Variants in COL4A2 observed in about 807,000 individuals in gnomAD.
COL4A2 encodes the protein collagen type IV alpha 2 chain.
In COL4A2, 99 loss-of-function variants were observed where a neutral mutation model predicts 200.2. That is an observed-to-expected ratio of 0.49 (90% CI 0.42 to 0.58). The LOEUF (loss-of-function observed/expected upper bound fraction) is 0.58. Ranked by LOEUF, COL4A2 falls within the 20% of genes least tolerant of loss-of-function variation. The pLI is 0.00. For missense variants in COL4A2, 1,950 were observed against 2,314.1 expected, an observed-to-expected ratio of 0.84 and a Z score of 3.23; for synonymous variants, 897 against 900.6, an observed-to-expected ratio of 1.00 and a Z score of 0.07.
chr13:110,331,321 A>G (rs1875902260), intron 3 of COL4A2, among the ~76,000 whole-genome samples: 1 of 152,230 alleles, frequency 6.6e-6, no homozygotes, highest in South Asian at 2.1e-4. Context: ...TCTCCATAAT[A>G]ATTTTTCTGC....
At chr13:110,357,229 G>A (rs1436381050) in intron 3 of COL4A2, among the ~76,000 whole-genome samples, 1 of 152,102 alleles carries the variant, frequency 6.6e-6, no homozygotes, top group East Asian at 1.9e-4. Flanking sequence ...GATGTCGATG[G>A]TGGGGGATTT....
intron 20 of COL4A2, among the ~76,000 whole-genome samples, chr13:110,453,356 C>T (rs891162480): frequency 1.3e-5 from 2 of 151,954 alleles, no homozygotes; most frequent in Non-Finnish European, 2.9e-5. Context: ...ACAAAATTAG[C>T]CAAGTGCGGT....
At chr13:110,316,789 G>A (rs969886541) in intron 3 of COL4A2, among the ~76,000 whole-genome samples, 3 of 152,136 alleles carry the variant, frequency 2.0e-5, no homozygotes, top group Non-Finnish European at 2.9e-5. Context: ...AGAACTTGCC[G>A]ATTCTAAAAC....
chr13:110,429,923 T>G lies in COL4A2; in HGVS notation c.516T>G (p.Tyr172Ter). The change falls in exon 8 of 48, where the codon TAT becomes TAG. Residue 172 changes from tyrosine (Y) to a stop codon, truncating the protein, a stop_gained. Transcript: ENST00000360467. LOFTEE classifies it high-confidence loss of function. ...QGPKGQKGEP[Y>*]ALPKEERDRY... ...CAAAAGGGCAGAAAGGTGAGCCTTA[T>G]GCACTGCCTAAAGAGGAGCGCGACA... 6.2e-7 allele frequency: 1 copy of G among 1,612,298 alleles called. No individual in the cohort carries two copies. The highest frequency in any genetic ancestry group is 8.5e-7 in the Non-Finnish European group (1 of 1,179,466).
chr13:110,377,733 A>G (rs1297222838), intron 4 of COL4A2, among the ~76,000 whole-genome samples: 1 of 152,254 alleles, frequency 6.6e-6, no homozygotes, highest in African/African-American at 2.4e-5. Flanking sequence ...GTGAAACAAT[A>G]CTAAAAATAG....
At chr13:110,405,363 T>C (rs1277988341) in intron 4 of COL4A2, among the ~76,000 whole-genome samples, 1 of 152,162 alleles carries the variant, frequency 6.6e-6, no homozygotes, top group East Asian at 1.9e-4. Context: ...TCAACAAGGC[T>C]GTATGGAAGC....
chr13:110,464,521 C>A (rs1022778348), intron 24 of COL4A2, among the ~76,000 whole-genome samples: 5 of 152,234 alleles, frequency 3.3e-5, no homozygotes, highest in African/African-American at 1.2e-4. Flanking sequence ...GTGTCCCCCT[C>A]CCCTGTGAAA....
chr13:110,438,064 T>C lies in COL4A2; in HGVS notation c.861+27T>C, dbSNP rs752410747. The C allele has an allele frequency of 3.7e-6, 6 of 1,606,174 alleles. No homozygotes were observed. In the African/African-American group the frequency reaches 8.0e-5, roughly 22 times the overall value. On this transcript the variant is annotated intron_variant, in intron 14 of 47. Coordinates refer to ENST00000360467, the MANE Select transcript of COL4A2 (RefSeq NM_001846.4). ...TAAGTCGAGTAATGAGCATGCCCCC[T>C]CCCCTGTGGCTCCTGGGCTGTCGGC... is the stretch of plus-strand genomic sequence containing the variant.
intron 3 of COL4A2, among the ~76,000 whole-genome samples, chr13:110,317,653 C>T (rs1044320053): frequency 6.6e-6 from 1 of 152,206 alleles, no homozygotes; most frequent in Non-Finnish European, 1.5e-5. Flanking sequence ...GGCAAAGGGA[C>T]AATTTCACCT....
rs540745080 is a variant in COL4A2 at position 110,415,731 on chromosome 13, G to A, written c.181-9003G>A. Reference sequence around the variant, plus strand: ...CAGATCCTGAGCAGTCACCCTGGAAGACAGGCGGCCTGCTTGCTCAACTCA... The same window carrying A: ...CAGATCCTGAGCAGTCACCCTGGAAAACAGGCGGCCTGCTTGCTCAACTCA... On this transcript the variant is annotated intron_variant, in intron 4 of 47. Transcript: ENST00000360467. 8.5e-5 allele frequency among the ~76,000 whole-genome samples: 13 copies of A among 152,388 alleles called. No homozygotes were observed. The South Asian group carries it at 2.7e-3, about 32-fold the overall frequency.
Position 110,307,955 on chromosome 13 carries a change from ACTTT to A in COL4A2, c.44+11_44+14del, listed in dbSNP as rs763386861. 1.9e-6 allele frequency: 3 copies of A among 1,612,562 alleles called. No homozygotes were observed. Among genetic ancestry groups the A allele is most frequent in the Non-Finnish European group, 2.5e-6 (3 of 1,179,590 alleles). On this transcript the variant is annotated intron_variant, in intron 2 of 47. Transcript: ENST00000360467. The surrounding 1 kb of genome is among the most constrained non-coding windows in gnomAD (Gnocchi z 5.0). ...CGGCCCTGCCCTACGGCGGTAAGCG[ACTTT>A]CTGCCTGGTCCCCGTGGGTCACGCG...
intron 20 of COL4A2, among the ~76,000 whole-genome samples, chr13:110,454,819 C>G (rs1250813631): frequency 2.0e-5 from 3 of 152,190 alleles, no homozygotes; most frequent in Admixed American, 6.5e-5. Flanking sequence ...CTAACAGAAA[C>G]CGTTAACTCG....
rs1366807207 is a variant in COL4A2 at position 110,307,893 on chromosome 13, G to A, written c.-11G>A. On this transcript the variant is annotated 5_prime_UTR_variant, in exon 2 of 48. Coordinates refer to ENST00000360467, the MANE Select transcript of COL4A2 (RefSeq NM_001846.4). This position sits in a 1 kb window ranked among gnomAD's most constrained non-coding sequence, Gnocchi z 5.0. ...GGACTGACCGGGGCCCAGAGTGGAC[G>A]AACCGCCAGCATGGGGAGAGACCAG... 1 of 1,611,836 alleles carries A rather than the reference G, an allele frequency of 6.2e-7. No homozygotes were observed.
chr13:110,452,117 C>CT (rs1566540971), intron 20 of COL4A2, among the ~76,000 whole-genome samples: 1 of 110,400 alleles, frequency 9.1e-6, no homozygotes, highest in Non-Finnish European at 2.0e-5. Flanking sequence ...GTCAAAGTCT[C>CT]TGTTTTGTTT....
Position 110,484,937 on chromosome 13 carries a change from C to T in COL4A2, c.2935C>T (p.Pro979Ser). The change falls in exon 33 of 48, where the codon CCT becomes TCT. Residue 979 changes from proline (P) to serine (S), a missense_variant. Pro to Ser is a moderately conservative substitution (Grantham distance 74). Transcript: ENST00000360467. ...AGGGGACCCTGGGCCCCCAGGACCACCTCCTGTCATCCTGCCAGGAATGAA... is the reference window on the plus strand; with the variant it reads ...AGGGGACCCTGGGCCCCCAGGACCATCTCCTGTCATCCTGCCAGGAATGAA... ...SRGDPGPPGP[P>S]PVILPGMKDI... 1 of 1,612,780 alleles carries T rather than the reference C, an allele frequency of 6.2e-7. No individual in the cohort carries two copies. The highest frequency in any genetic ancestry group is 2.2e-5 in the East Asian group (1 of 44,856).
chr13:110,456,425 G>A, intron 20 of COL4A2: 1 of 271,752 alleles, frequency 3.7e-6, no homozygotes, highest in Non-Finnish European at 7.2e-6. Context: ...GTTTTTTGGG[G>A]GGGAACCAGA....
chr13:110,328,658 C>G (rs1300805756), intron 3 of COL4A2: 1 of 152,248 alleles, frequency 6.6e-6, no homozygotes, highest in African/African-American at 2.4e-5. Flanking sequence ...CTCTGAAGGG[C>G]TCGTTCTAGA....
intron 3 of COL4A2, among the ~76,000 whole-genome samples, chr13:110,316,488 G>A (rs997105764): frequency 1.3e-5 from 2 of 152,136 alleles, no homozygotes; most frequent in South Asian, 2.1e-4. Flanking sequence ...TGTCCTCCCC[G>A]CCTTCCAGTG....
chr13:110,449,693 C>G lies in COL4A2; in HGVS notation c.1093C>G (p.Pro365Ala), dbSNP rs1881460271. Residue 365 changes from proline (P) to alanine (A), a missense_variant, in exon 19 of 48, where the codon CCG becomes GCG. Transcript: ENST00000360467. ...TTCCCTTCCAGGTGCCAGAGGTGAC[C>G]CGGGATTCCCAGGGGCCCAAGGGGA... ...PSLAKGARGD[P>A]GFPGAQGEPG... The G allele has an allele frequency of 2.6e-6, 4 of 1,548,590 alleles. No individual in the cohort carries two copies. Among genetic ancestry groups the G allele is most frequent in the Non-Finnish European group, 3.5e-6 (4 of 1,145,404 alleles).
Sources: gnomAD v4.1 joint callset for allele counts (sites outside exome capture counted in the v4.1 genomes callset) on GRCh38, gnomAD v4.1.1 for gene constraint, Gnocchi (gnomAD v3.1) non-coding constraint, MANE v1.5 for transcripts, NCBI Gene and HGNC (gene_info 2026-07-23, HGNC 2026-07-21) for gene names.